The following AFAP1L1 variants were observed in gnomAD, a reference collection of about 807,000 sequenced individuals.
AFAP1L1 encodes actin filament associated protein 1 like 1.
A neutral mutation model predicts 99.8 loss-of-function variants in AFAP1L1; 77 were observed. The ratio of observed to expected loss-of-function variants is 0.77; its 90% CI spans 0.64 to 0.93. The LOEUF (loss-of-function observed/expected upper bound fraction) is 0.93. Ranked by LOEUF, AFAP1L1 falls within the 40% of genes least tolerant of loss-of-function variation. The pLI, the probability that AFAP1L1 is intolerant of heterozygous loss-of-function variation, is 0.00. For synonymous variants in AFAP1L1, 373 were observed against 395.3 expected (o/e 0.94, Z 0.67); for missense variants, 893 against 996.8 (o/e 0.90, Z 1.40).
At position 149,340,052 on chromosome 5, in the gene AFAP1L1, C is replaced by A. The variant is rs1167770394; in HGVS notation, c.*22C>A. On this transcript the variant is annotated 3_prime_UTR_variant, in exon 19 of 19. Coordinates refer to ENST00000296721, the MANE Select transcript of AFAP1L1 (RefSeq NM_152406.4). ...CTAGGAAGAGGATGAGGATTTCATT[C>A]CAAAGGAAATACCAGCTTGTCCACC... The A allele has an allele frequency of 1.2e-6, 2 of 1,613,312 alleles. No homozygotes were observed. The highest frequency in any genetic ancestry group is 1.7e-6 in the Non-Finnish European group (2 of 1,179,440).
chr5:149,287,473 CATAA>C (rs1755718401), intron 1 of AFAP1L1, among the ~76,000 whole-genome samples: 1 of 152,032 alleles, frequency 6.6e-6, no homozygotes, highest in Non-Finnish European at 1.5e-5. Context: ...AAAATAACTA[CATAA>C]ATAAATAACT....
At chr5:149,277,367 C>G (rs976630248) in intron 1 of AFAP1L1, among the ~76,000 whole-genome samples, 1 of 152,188 alleles carries the variant, frequency 6.6e-6, no homozygotes, top group East Asian at 1.9e-4. Flanking sequence ...CTGCCTGTGT[C>G]TTGCCTCCGT....
rs770727252 is a variant in AFAP1L1 at position 149,319,713 on chromosome 5, G to T, written c.1611G>T (p.Gly537=). Residue 537 remains glycine (G), a synonymous_variant, in exon 13 of 19, where the codon GGG becomes GGT. Coordinates refer to ENST00000296721, the MANE Select transcript of AFAP1L1 (RefSeq NM_152406.4). ...CCTTAACCAGCATCGTCAGTGCTGG[G>T]CGCAACTCCTTCCTGTAAGTGTCAG... The part of the protein sequence containing the change: ...VETLTSIVSA[G]RNSFLYARSC... 6.2e-7 allele frequency: 1 copy of T among 1,612,042 alleles called. No homozygotes were observed. Among genetic ancestry groups the T allele is most frequent in the Non-Finnish European group, 8.5e-7 (1 of 1,179,964 alleles).
intron 15 of AFAP1L1, among the ~76,000 whole-genome samples, chr5:149,329,413 C>T (rs1284050875): frequency 6.6e-6 from 1 of 152,176 alleles, no homozygotes; most frequent in East Asian, 1.9e-4. Flanking sequence ...AACCTTTGAC[C>T]AGCTGAAGGT....
chr5:149,326,518 G>A (rs1170481778), intron 15 of AFAP1L1, among the ~76,000 whole-genome samples: 3 of 143,808 alleles, frequency 2.1e-5, no homozygotes, highest in Admixed American at 1.4e-4. Context: ...CAGCCTGGGC[G>A]ACAGAGTGAG....
intron 1 of AFAP1L1, among the ~76,000 whole-genome samples, chr5:149,290,744 G>A (rs565507818): frequency 6.6e-6 from 1 of 151,514 alleles, no homozygotes; most frequent in African/African-American, 2.4e-5. Context: ...TTTTTTTCAA[G>A]CATCTCTTTA....
intron 1 of AFAP1L1, 123 bp downstream of exon 1, chr5:149,272,107 C>A: frequency 1.0e-6 from 1 of 1,000,244 alleles, no homozygotes; most frequent in Non-Finnish European, 1.3e-6. Context: ...GAGGAACGCT[C>A]GGAGGGGACT....
At chr5:149,337,998 G>A (rs566771929) in intron 18 of AFAP1L1, among the ~76,000 whole-genome samples, 8 of 152,318 alleles carry the variant, frequency 5.3e-5, no homozygotes, top group Admixed American at 1.3e-4. Context: ...GAAAGCGAGC[G>A]TGGAAACCAT....
intron 1 of AFAP1L1, among the ~76,000 whole-genome samples, chr5:149,272,550 A>G (rs1273793421): frequency 6.6e-6 from 1 of 152,170 alleles, no homozygotes; most frequent in Non-Finnish European, 1.5e-5. Flanking sequence ...ACCAGCGACA[A>G]AGTTGGACTA....
At chr5:149,310,253 A>C (rs930582555) in intron 8 of AFAP1L1, 118 bp downstream of exon 8, 10 of 1,305,976 alleles carry the variant, frequency 7.7e-6, no homozygotes, top group Non-Finnish European at 1.0e-5. Flanking sequence ...CCTGAGCCCA[A>C]GTGCCCTCTG....
intron 8 of AFAP1L1, 48 bp downstream of exon 8, chr5:149,310,183 TC>T: frequency 2.0e-6 from 3 of 1,516,880 alleles, no homozygotes; most frequent in Non-Finnish European, 1.8e-6. Context: ...CTTTCTCTCT[TC>T]CCCAAGCCAG....
intron 7 of AFAP1L1, 92 bp from the exon 8 acceptor site, chr5:149,309,864 A>G (rs1756559007): frequency 6.6e-7 from 1 of 1,524,400 alleles, no homozygotes; most frequent in Non-Finnish European, 9.0e-7. Flanking sequence ...CTCTAAAGGG[A>G]GGTCGGGCTT....
intron 1 of AFAP1L1, among the ~76,000 whole-genome samples, chr5:149,278,217 C>CA (rs1003392712): frequency 5.9e-5 from 9 of 152,180 alleles, no homozygotes; most frequent in Admixed American, 5.9e-4. Context: ...ACACCCCCAC[C>CA]AAACCCCAGC....
intron 1 of AFAP1L1, among the ~76,000 whole-genome samples, chr5:149,293,946 G>A (rs1435165954): frequency 6.6e-6 from 1 of 152,166 alleles, no homozygotes; most frequent in Non-Finnish European, 1.5e-5. Flanking sequence ...TCCGACCCCA[G>A]AGCCCTAGCC....
chr5:149,278,383 G>A (rs1755407867), intron 1 of AFAP1L1, among the ~76,000 whole-genome samples: 1 of 152,136 alleles, frequency 6.6e-6, no homozygotes, highest in African/African-American at 2.4e-5. Context: ...TTGGACCAAA[G>A]TCTAGCCTTT....
At chr5:149,311,789 C>G (rs1349481601) in intron 8 of AFAP1L1, among the ~76,000 whole-genome samples, 1 of 152,192 alleles carries the variant, frequency 6.6e-6, no homozygotes, top group Non-Finnish European at 1.5e-5. Context: ...AGGAGGGAAG[C>G]AGAGGACTAG....
intron 1 of AFAP1L1, 61 bp from the exon 2 acceptor site, chr5:149,299,448 C>T: frequency 6.3e-7 from 1 of 1,593,978 alleles, no homozygotes; most frequent in East Asian, 2.2e-5. Context: ...GGGGGCCGAA[C>T]TCCCGGGCAC....
chr5:149,319,668 T>C lies in AFAP1L1; in HGVS notation c.1566T>C (p.Tyr522=). The C allele has an allele frequency of 6.2e-7, 1 of 1,612,748 alleles. No individual in the cohort carries two copies. The highest frequency in any genetic ancestry group is 8.5e-7 in the Non-Finnish European group (1 of 1,180,028). Residue 522 remains tyrosine (Y), a synonymous_variant, in exon 13 of 19, where the codon TAT becomes TAC. Coordinates refer to ENST00000296721, the MANE Select transcript of AFAP1L1 (RefSeq NM_152406.4). ...GAGTCACTCCGGAGGCGCTGCACTA[T>C]GACTACGTGGATGTGGAGACCTTAA... ...GSRVTPEALH[Y]DYVDVETLTS...
chr5:149,310,096 G>A lies in AFAP1L1; in HGVS notation c.888G>A (p.Leu296=), dbSNP rs1291121470. 15 of 1,613,104 alleles carry A rather than the reference G, an allele frequency of 9.3e-6. No homozygotes were observed. The highest frequency in any genetic ancestry group is 6.8e-6 in the Non-Finnish European group (8 of 1,179,530). Residue 296 remains leucine (L), a synonymous_variant, in exon 8 of 19, where the codon CTG becomes CTA. Coordinates refer to ENST00000296721, the MANE Select transcript of AFAP1L1 (RefSeq NM_152406.4). The part of the protein sequence containing the change: ...FTQGATEVLV[L]ALQSREQAEE... ...AGGGGGCTACCGAGGTCTTGGTGCT[G>A]GCACTGCAGAGCCGAGAGCAGGCCG...
Sources: gnomAD v4.1 joint callset for allele counts (sites outside exome capture counted in the v4.1 genomes callset) on GRCh38, gnomAD v4.1.1 for gene constraint, MANE v1.5 for transcripts, NCBI Gene and HGNC (gene_info 2026-07-23, HGNC 2026-07-21) for gene names.